The following ALPK1 variants were observed in gnomAD, a reference collection of about 807,000 sequenced individuals.
The protein encoded by ALPK1 is alpha kinase 1.
A neutral mutation model predicts 120.6 loss-of-function variants in ALPK1; 110 were observed. The observed-to-expected ratio is 0.91, with a 90% CI of 0.78 to 1.07. The LOEUF is 1.07. Among genes scored for constraint, ALPK1 ranks in the 50% least tolerant of loss-of-function variants. The pLI is 0.00. For synonymous variants in ALPK1, 582 were observed against 560.3 expected (o/e 1.04, Z -0.55); for missense variants, 1,498 against 1,483.9 (o/e 1.01, Z -0.16).
At chr4:112,364,672 C>A (rs1334771947) in intron 2 of ALPK1, among the ~76,000 whole-genome samples, 1 of 152,092 alleles carries the variant, frequency 6.6e-6, no homozygotes, top group Non-Finnish European at 1.5e-5. Flanking sequence ...TTCCAAAAGA[C>A]AGAGAAAGAG....
intron 1 of ALPK1, among the ~76,000 whole-genome samples, chr4:112,308,900 T>A (rs1330254490): frequency 6.6e-6 from 1 of 152,152 alleles, no homozygotes; most frequent in Admixed American, 6.5e-5. Flanking sequence ...TGGTCTTTGA[T>A]GATGGTGACG....
intron 1 of ALPK1, among the ~76,000 whole-genome samples, chr4:112,309,691 C>T (rs1183651607): frequency 6.6e-6 from 1 of 152,128 alleles, no homozygotes; most frequent in East Asian, 1.9e-4. Flanking sequence ...TTATTCCTCT[C>T]CAATACCCCA....
intron 2 of ALPK1, among the ~76,000 whole-genome samples, chr4:112,346,373 G>A (rs1362801434): frequency 2.6e-5 from 4 of 152,110 alleles, no homozygotes; most frequent in Admixed American, 1.3e-4. Flanking sequence ...GACTCTTAAC[G>A]ACATTCATTG....
chr4:112,374,163 C>T (rs1012513734), intron 2 of ALPK1, among the ~76,000 whole-genome samples: 7 of 152,292 alleles, frequency 4.6e-5, no homozygotes, highest in African/African-American at 9.6e-5. Context: ...TCTTAAATCC[C>T]GCTGCTGCTT....
chr4:112,413,379 T>A (rs1326903123), intron 5 of ALPK1, among the ~76,000 whole-genome samples: 1 of 152,202 alleles, frequency 6.6e-6, no homozygotes, highest in African/African-American at 2.4e-5. Flanking sequence ...GTTGACAGCT[T>A]TGCTTTTACA....
intron 2 of ALPK1, among the ~76,000 whole-genome samples, chr4:112,317,852 C>A (rs546515974): frequency 6.6e-6 from 1 of 152,050 alleles, no homozygotes; most frequent in East Asian, 1.9e-4. Flanking sequence ...CATATATATA[C>A]CATTACAAAA....
rs181500341 is a variant in ALPK1, at chr4:112,329,651, A to T, written c.-101+13799A>T. Among the ~76,000 whole-genome samples, 322 of 152,334 alleles carry T rather than the reference A, an allele frequency of 2.1e-3. 3 individuals carry two copies. The highest frequency in any genetic ancestry group is 3.5e-3 in the Non-Finnish European group (238 of 68,030). On this transcript the variant is annotated intron_variant, in intron 2 of 15. Coordinates refer to ENST00000650871, the MANE Select transcript of ALPK1 (RefSeq NM_025144.4). ...GGATTTAAAGGCACCCATTAGTAGA[A>T]GGCAGACTTTAGGGGATGGGAGTGA...
chr4:112,406,834 A>G (rs1321737945), intron 4 of ALPK1, among the ~76,000 whole-genome samples: 7 of 152,190 alleles, frequency 4.6e-5, no homozygotes, highest in Non-Finnish European at 8.8e-5. Flanking sequence ...ATCTCACCAG[A>G]TAGGTCTTGC....
intron 2 of ALPK1, among the ~76,000 whole-genome samples, chr4:112,368,815 T>C (rs939644096): frequency 3.3e-5 from 5 of 152,192 alleles, no homozygotes; most frequent in African/African-American, 1.2e-4. Context: ...CTCACTCTTA[T>C]ACTGAAGGTG....
rs34345428 is a variant in ALPK1 at position 112,382,289 on chromosome 4, C to CTTTTTTTT, written c.122-95_122-88dup. On this transcript the variant is annotated intron_variant, in intron 3 of 15. Coordinates refer to ENST00000650871, the MANE Select transcript of ALPK1 (RefSeq NM_025144.4). ...CAAGAGGCAGGGAAAAGGTTTTTCT[C>CTTTTTTTT]TTTTTTTTTTTTTTTTTTTTTGCCA... 10 of 671,432 alleles carry CTTTTTTTT rather than the reference C, an allele frequency of 1.5e-5. No homozygotes were observed. In the African/African-American group the frequency reaches 2.0e-4, roughly 13 times the overall value. 41.6% of individuals were successfully genotyped at this position (671,432 alleles called of 1,614,324 possible).
At chr4:112,409,810 G>A (rs1334931710) in intron 4 of ALPK1, among the ~76,000 whole-genome samples, 2 of 152,102 alleles carry the variant, frequency 1.3e-5, no homozygotes, top group East Asian at 1.9e-4. Context: ...TTGAGCTTCC[G>A]TCACATGGAA....
At chr4:112,427,789 C>G in intron 9 of ALPK1, 124 bp downstream of exon 9, 2 of 686,698 alleles carry the variant, frequency 2.9e-6, no homozygotes, top group South Asian at 3.4e-5. Context: ...GCCTCCTAGA[C>G]AAATGGGAGG....
chr4:112,423,608 G>A (rs1033400307), intron 5 of ALPK1: 3 of 426,398 alleles, frequency 7.0e-6, no homozygotes, highest in Non-Finnish European at 1.3e-5. Context: ...TCCACTTCCT[G>A]AAGTATAGTT....
intron 4 of ALPK1, among the ~76,000 whole-genome samples, chr4:112,410,450 A>G (rs1022864113): frequency 2.0e-5 from 3 of 147,412 alleles, no homozygotes; most frequent in African/African-American, 7.3e-5. Flanking sequence ...TAAATCACCT[A>G]GCACTGTGCC....
chr4:112,341,486 A>G (rs556491718), intron 2 of ALPK1, among the ~76,000 whole-genome samples: 1 of 152,324 alleles, frequency 6.6e-6, no homozygotes, highest in Admixed American at 6.5e-5. Context: ...GTGCTTCAGT[A>G]GTATATAGAT....
chr4:112,324,940 GAGA>G (rs1472778488), intron 2 of ALPK1, among the ~76,000 whole-genome samples: 1 of 130,686 alleles, frequency 7.7e-6, no homozygotes, highest in Non-Finnish European at 1.6e-5. Context: ...ATTAATTAAT[GAGA>G]AGAAGGAGAG....
At chr4:112,314,951 G>A (rs757713393) in intron 1 of ALPK1, among the ~76,000 whole-genome samples, 1 of 147,736 alleles carries the variant, frequency 6.8e-6, no homozygotes, top group Non-Finnish European at 1.5e-5. Flanking sequence ...CCTGATCTCG[G>A]CTCACTGCAA....
chr4:112,430,727 A>G lies in ALPK1; in HGVS notation c.1180A>G (p.Thr394Ala), dbSNP rs778364773. Residue 394 changes from threonine (T) to alanine (A), a missense_variant, in exon 11 of 16, where the codon ACT becomes GCT. Physicochemically the swap from Thr to Ala is moderately conservative, Grantham distance 58 (BLOSUM62 0). Coordinates refer to ENST00000650871, the MANE Select transcript of ALPK1 (RefSeq NM_025144.4). The part of the protein sequence containing the change: ...EAMGKLYNFS[T>A]SSRSQDREAL... ...AATGGGGAAGCTGTACAATTTCAGC[A>G]CTTCCTCCAGAAGTCAGGACAGAGA... 6.2e-6 allele frequency: 10 copies of G among 1,614,106 alleles called. No homozygotes were observed. The highest frequency in any genetic ancestry group is 8.5e-6 in the Non-Finnish European group (10 of 1,180,044).
chr4:112,395,151 C>T (rs948065427), intron 4 of ALPK1, among the ~76,000 whole-genome samples: 2 of 152,130 alleles, frequency 1.3e-5, no homozygotes, highest in African/African-American at 4.8e-5. Flanking sequence ...GACAGTCCTG[C>T]AAAGTGAAAT....
Sources: gnomAD v4.1 joint callset for allele counts (sites outside exome capture counted in the v4.1 genomes callset) on GRCh38, gnomAD v4.1.1 for gene constraint, MANE v1.5 for transcripts, NCBI Gene and HGNC (gene_info 2026-07-23, HGNC 2026-07-21) for gene names.